AGAP1: variants seen among roughly 807,000 people sequenced by gnomAD.
AGAP1 encodes the protein arf-GAP with GTPase, ANK repeat and PH domain-containing protein 1.
AGAP1 carries 29 observed loss-of-function variants against 105.3 expected under a neutral mutation model. The ratio of observed to expected loss-of-function variants is 0.28; its 90% CI spans 0.21 to 0.38. The LOEUF (loss-of-function observed/expected upper bound fraction) is 0.38. Ranked by LOEUF, AGAP1 falls within the 10% of genes least tolerant of loss-of-function variation. The probability of loss-of-function intolerance (pLI) is 1.00; values close to 1 mark genes in which losing one functional copy is unlikely to be tolerated. For missense variants in AGAP1, 998 were observed against 1,165.1 expected (o/e 0.86, Z 2.09); for synonymous variants, 509 against 485.9 (o/e 1.05, Z -0.63).
At chr2:235,902,873 A>G (rs1410709374) in intron 10 of AGAP1, among the ~76,000 whole-genome samples, 1 of 152,244 alleles carries the variant, frequency 6.6e-6, no homozygotes, top group Non-Finnish European at 1.5e-5. Flanking sequence ...CGAAATGTTT[A>G]AAAATCGGTA....
rs1345532643 is a variant in AGAP1, at chr2:236,050,782, ATTAG to A, written c.2114+1502_2114+1505del. Among the ~76,000 whole-genome samples the A allele has an allele frequency of 6.6e-6, 1 of 152,250 alleles. No individual in the cohort carries two copies. Among genetic ancestry groups the A allele is most frequent in the East Asian group, 1.9e-4 (1 of 5,202 alleles). ...TTCACTATTTTTAATATCATGAATT[ATTAG>A]AAAAGTTTGTTTATCCATCCATTAA... On this transcript the variant is annotated intron_variant, in intron 16 of 17. Transcript: ENST00000304032. The surrounding 1 kb of genome is among the most constrained non-coding windows in gnomAD (Gnocchi z 4.0).
rs1045129928 is a variant in AGAP1 at position 235,983,607 on chromosome 2, A to G, written c.1645+14984A>G. Among the ~76,000 whole-genome samples the G allele has an allele frequency of 1.3e-5, 2 of 152,160 alleles. No homozygotes were observed. The highest frequency in any genetic ancestry group is 2.4e-5 in the African/African-American group (1 of 41,414). On this transcript the variant is annotated intron_variant, in intron 13 of 17. Coordinates refer to ENST00000304032, the MANE Select transcript of AGAP1 (RefSeq NM_001037131.3). This position sits in a 1 kb window ranked among gnomAD's most constrained non-coding sequence, Gnocchi z 4.5. ...CATTTTGTTCAATGATGGACCAAGT[A>G]ATGTGATGGTGGTCCCATGAGATTA... is the stretch of plus-strand genomic sequence containing the variant.
At position 235,550,793 on chromosome 2, in the gene AGAP1, G is replaced by T. The variant is rs371502824; in HGVS notation, c.163+55944G>T. On this transcript the variant is annotated intron_variant, in intron 1 of 17. Coordinates refer to ENST00000304032, the MANE Select transcript of AGAP1 (RefSeq NM_001037131.3). The surrounding 1 kb of genome is among the most constrained non-coding windows in gnomAD (Gnocchi z 4.6). ...TATTTATTTTTATCTTATTTTTTTT[G>T]AGATAGAGTCTCACTCTGTTGCCCA... Among the ~76,000 whole-genome samples, 2 of 151,862 alleles carry T rather than the reference G, an allele frequency of 1.3e-5. No individual in the cohort carries two copies. Among genetic ancestry groups the T allele is most frequent in the South Asian group, 4.1e-4 (2 of 4,820 alleles).
intron 1 of AGAP1, among the ~76,000 whole-genome samples, chr2:235,532,243 A>G (rs1459175563): frequency 6.6e-6 from 1 of 152,068 alleles, no homozygotes; most frequent in Non-Finnish European, 1.5e-5. Context: ...TTCTAAGACA[A>G]AGTCTCTCTC....
chr2:235,690,710 G>A lies in AGAP1; in HGVS notation c.164-18469G>A, dbSNP rs962024835. The stretch of plus-strand genomic sequence containing the variant: ...CTTTGGAAAGAGGTGCAGGCTTCCG[G>A]CTATTGGTAGACACCTGTCTGCTTG... On this transcript the variant is annotated intron_variant, in intron 1 of 17. Coordinates refer to ENST00000304032, the MANE Select transcript of AGAP1 (RefSeq NM_001037131.3). The surrounding 1 kb of genome is among the most constrained non-coding windows in gnomAD (Gnocchi z 4.1). Among the ~76,000 whole-genome samples, 2 of 152,142 alleles carry A rather than the reference G, an allele frequency of 1.3e-5. No homozygotes were observed. The highest frequency in any genetic ancestry group is 4.1e-4 in the South Asian group (2 of 4,826).
intron 13 of AGAP1, among the ~76,000 whole-genome samples, chr2:235,974,116 A>G (rs1256329175): frequency 1.3e-5 from 2 of 152,110 alleles, no homozygotes; most frequent in East Asian, 3.9e-4. Flanking sequence ...TTAAGTGCTA[A>G]TTTCCCTGTT....
chr2:235,775,704 T>A (rs775274417), intron 6 of AGAP1: 1 of 152,196 alleles, frequency 6.6e-6, no homozygotes, highest in Non-Finnish European at 1.5e-5. Flanking sequence ...TGTTATAAAT[T>A]TTCTCTGGGG....
At chr2:235,515,633 C>G (rs1311744516) in intron 1 of AGAP1, among the ~76,000 whole-genome samples, 2 of 152,152 alleles carry the variant, frequency 1.3e-5, no homozygotes, top group African/African-American at 4.8e-5. Flanking sequence ...AAAAAGTCTG[C>G]TTAGTGTTGA....
intron 1 of AGAP1, among the ~76,000 whole-genome samples, chr2:235,572,017 T>A (rs1296906488): frequency 6.9e-6 from 1 of 144,290 alleles, no homozygotes; most frequent in African/African-American, 2.5e-5. Context: ...TTTTTTTTTT[T>A]TTTGAAGCAG....
intron 1 of AGAP1, chr2:235,670,547 C>T: frequency 2.1e-6 from 1 of 483,666 alleles, no homozygotes; most frequent in South Asian, 3.3e-5. Flanking sequence ...CGCGCCCCTG[C>T]GGCGGAGCCT....
In AGAP1 at chr2:235,665,045, AC is replaced by A. The variant is rs1948082636; in HGVS notation, c.164-44131del. Among the ~76,000 whole-genome samples, 1 of 152,004 alleles carries A rather than the reference AC, an allele frequency of 6.6e-6. No homozygotes were observed. The highest frequency in any genetic ancestry group is 1.5e-5 in the Non-Finnish European group (1 of 68,002). ...AGACCAGCCTGGGCAACATGGCAAG[AC>A]CCTCCTCTCTACAAAAAAATTTAAA... On this transcript the variant is annotated intron_variant, in intron 1 of 17. Coordinates refer to ENST00000304032, the MANE Select transcript of AGAP1 (RefSeq NM_001037131.3). This position sits in a 1 kb window ranked among gnomAD's most constrained non-coding sequence, Gnocchi z 5.3.
chr2:235,875,913 A>G lies in AGAP1; in HGVS notation c.1051-7432A>G, dbSNP rs1575670012. ...TTATTTCATTTTAAAAACTCAATGC[A>G]TTGTTTGTTTATATTTAACATGGAT... is the stretch of plus-strand genomic sequence containing the variant. On this transcript the variant is annotated intron_variant, in intron 9 of 17. Transcript: ENST00000304032. The surrounding 1 kb of genome is among the most constrained non-coding windows in gnomAD (Gnocchi z 4.0). Among the ~76,000 whole-genome samples, 1 of 152,322 alleles carries G rather than the reference A, an allele frequency of 6.6e-6. No individual in the cohort carries two copies. The highest frequency in any genetic ancestry group is 1.5e-5 in the Non-Finnish European group (1 of 68,018).
rs1041328603 is a variant in AGAP1 at position 235,962,877 on chromosome 2, C to T, written c.1484-5585C>T. Among the ~76,000 whole-genome samples, 1 of 152,148 alleles carries T rather than the reference C, an allele frequency of 6.6e-6. No homozygotes were observed. Among genetic ancestry groups the T allele is most frequent in the African/African-American group, 2.4e-5 (1 of 41,440 alleles). ...CACCTCTGGCTTCTACCATCTGATG[C>T]CTGTAGCACCTCCACTCCACCCAGT... On this transcript the variant is annotated intron_variant, in intron 12 of 17. Transcript: ENST00000304032. The surrounding 1 kb of genome is among the most constrained non-coding windows in gnomAD (Gnocchi z 5.3).
At chr2:235,735,282 TGAC>T (rs1952183402) in intron 3 of AGAP1, among the ~76,000 whole-genome samples, 1 of 152,244 alleles carries the variant, frequency 6.6e-6, no homozygotes, top group Non-Finnish European at 1.5e-5. Flanking sequence ...GTTGCAATGT[TGAC>T]TCCCAAAAGG....
At position 235,875,524 on chromosome 2, in the gene AGAP1, T is replaced by C. The variant is rs2049680684; in HGVS notation, c.1051-7821T>C. On this transcript the variant is annotated intron_variant, in intron 9 of 17. Coordinates refer to ENST00000304032, the MANE Select transcript of AGAP1 (RefSeq NM_001037131.3). The surrounding 1 kb of genome is among the most constrained non-coding windows in gnomAD (Gnocchi z 4.0). ...GGTTTTGAGTCACGTGCTTACTGTG[T>C]GTCGGAACACTTGTGCTTTGAAGGC... 6.6e-6 allele frequency among the ~76,000 whole-genome samples: 1 copy of C among 152,216 alleles called. No homozygotes were observed. Among genetic ancestry groups the C allele is most frequent in the African/African-American group, 2.4e-5 (1 of 41,460 alleles).
At chr2:235,955,267 G>T (rs1166608806) in intron 12 of AGAP1, among the ~76,000 whole-genome samples, 1 of 152,114 alleles carries the variant, frequency 6.6e-6, no homozygotes, top group African/African-American at 2.4e-5. Flanking sequence ...TGTACCCTGG[G>T]TGCGGGCCAT....
intron 6 of AGAP1, among the ~76,000 whole-genome samples, chr2:235,760,243 G>T (rs570359400): frequency 5.4e-4 from 82 of 152,344 alleles, no homozygotes; most frequent in Non-Finnish European, 1.0e-3. Context: ...GCCAGGCATG[G>T]TGGCGTGTGC....
chr2:236,108,625 G>A (rs1196445809), intron 16 of AGAP1, among the ~76,000 whole-genome samples: 1 of 152,136 alleles, frequency 6.6e-6, no homozygotes, highest in Non-Finnish European at 1.5e-5. Flanking sequence ...AAGAGAGAGG[G>A]GGTTCCAATA....
rs1051985353 is a variant in AGAP1, at chr2:236,003,880, C to T, written c.1646-32681C>T. Among the ~76,000 whole-genome samples the T allele has an allele frequency of 2.0e-5, 3 of 151,714 alleles. No homozygotes were observed. Among genetic ancestry groups the T allele is most frequent in the African/African-American group, 7.3e-5 (3 of 41,262 alleles). The stretch of plus-strand genomic sequence containing the variant: ...CTTAAAATGAAAGAATATGAGAAAA[C>T]CCCTAAATAATACATACATGGTATA... On this transcript the variant is annotated intron_variant, in intron 13 of 17. Coordinates refer to ENST00000304032, the MANE Select transcript of AGAP1 (RefSeq NM_001037131.3). The surrounding 1 kb of genome is among the most constrained non-coding windows in gnomAD (Gnocchi z 4.2).
Sources: gnomAD v4.1 joint callset for allele counts (sites outside exome capture counted in the v4.1 genomes callset) on GRCh38, gnomAD v4.1.1 for gene constraint, Gnocchi (gnomAD v3.1) non-coding constraint, MANE v1.5 for transcripts, NCBI Gene and HGNC (gene_info 2026-07-23, HGNC 2026-07-21) for gene names.